ABCA4: variants seen among roughly 807,000 people sequenced by gnomAD.
ABCA4 encodes the protein ATP binding cassette subfamily A member 4, also known as retinal-specific phospholipid-transporting ATPase ABCA4.
A neutral mutation model predicts 263.7 loss-of-function variants in ABCA4; 196 were observed. That is an observed-to-expected ratio of 0.74 (90% CI 0.66 to 0.84). The LOEUF is 0.84. Among genes scored for constraint, ABCA4 ranks in the 40% least tolerant of loss-of-function variants. The pLI is 0.00. For synonymous variants in ABCA4, 1,133 were observed against 1,094.2 expected, an observed-to-expected ratio of 1.04 and a Z score of -0.70; for missense variants, 2,792 against 2,855.1, an observed-to-expected ratio of 0.98 and a Z score of 0.50.
intron 24 of ABCA4, among the ~76,000 whole-genome samples, chr1:94,038,074 C>G (rs537655529): frequency 7.2e-5 from 11 of 152,030 alleles, no homozygotes; most frequent in Non-Finnish European, 1.5e-4. Context: ...TGCACAGTTT[C>G]TCTTGGGATT....
At chr1:93,994,284 A>G (rs1472137285) in intron 49 of ABCA4, among the ~76,000 whole-genome samples, 3 of 152,236 alleles carry the variant, frequency 2.0e-5, no homozygotes, top group Admixed American at 1.3e-4. Flanking sequence ...ATAACAGAGT[A>G]TAAGATTGCA....
intron 3 of ABCA4, among the ~76,000 whole-genome samples, chr1:94,110,979 C>A (rs1355391214): frequency 6.6e-6 from 1 of 152,200 alleles, no homozygotes; most frequent in Non-Finnish European, 1.5e-5. Flanking sequence ...ACTTTGTAAA[C>A]CTGACTTCAT....
chr1:94,041,539 T>C lies in ABCA4; in HGVS notation c.3329-137A>G, dbSNP rs982472936. On this transcript the variant is annotated intron_variant, in intron 22 of 49. Transcript: ENST00000370225. ...AAAAAAAAAAACCCAAGGGAACTAA[T>C]TCAGCAGCAAATTCCAGCATATTAG... 46 of 868,916 alleles carry C rather than the reference T, an allele frequency of 5.3e-5. No homozygotes were observed. The East Asian group carries it at 1.1e-3, about 21-fold the overall frequency. 53.8% of individuals were successfully genotyped at this position (868,916 alleles called of 1,614,324 possible).
chr1:94,028,930 A>AAAAACAAAAC (rs35998587), intron 30 of ABCA4, among the ~76,000 whole-genome samples: 5 of 108,038 alleles, frequency 4.6e-5, no homozygotes, highest in African/African-American at 3.8e-5. Context: ...AAAAAAAAAA[A>AAAAACAAAAC]GAAATTCAAA....
chr1:94,087,205 C>A (rs1158079533), intron 6 of ABCA4, among the ~76,000 whole-genome samples: 1 of 152,170 alleles, frequency 6.6e-6, no homozygotes, highest in Non-Finnish European at 1.5e-5. Flanking sequence ...ACATTCAGAT[C>A]ATAGCATGCA....
rs1316870945 is a variant in ABCA4, at chr1:94,007,623, A to G, written c.6005+11T>C. The stretch of plus-strand genomic sequence containing the variant: ...AGAGACTCCCTGAGACAGGAGGAGC[A>G]GGATACTCACCTCTTGCCTGCTACG... On this transcript the variant is annotated intron_variant, in intron 43 of 49. Transcript: ENST00000370225. 1.2e-6 allele frequency: 2 copies of G among 1,604,436 alleles called. No homozygotes were observed. Among genetic ancestry groups the G allele is most frequent in the Admixed American group, 3.3e-5 (2 of 60,002 alleles).
At chr1:94,090,602 G>C (rs1661944401) in intron 6 of ABCA4, among the ~76,000 whole-genome samples, 1 of 152,096 alleles carries the variant, frequency 6.6e-6, no homozygotes, top group Non-Finnish European at 1.5e-5. Flanking sequence ...CTAGGGATTA[G>C]GTGCCCCTCC....
At chr1:94,019,836 C>A in intron 35 of ABCA4, 77 bp from the exon 36 acceptor site, 1 of 1,525,264 alleles carries the variant, frequency 6.6e-7, no homozygotes, top group Non-Finnish European at 8.9e-7. Flanking sequence ...CAAAGTCAGG[C>A]TTTGGGAAGG....
chr1:94,096,825 C>G (rs920103883), intron 6 of ABCA4, among the ~76,000 whole-genome samples: 1 of 152,226 alleles, frequency 6.6e-6, no homozygotes, highest in African/African-American at 2.4e-5. Context: ...AATGATGCTG[C>G]TCCCTTCATG....
chr1:94,012,804 G>A (rs556146950), intron 38 of ABCA4, among the ~76,000 whole-genome samples: 2 of 151,202 alleles, frequency 1.3e-5, no homozygotes, highest in Non-Finnish European at 2.9e-5. Flanking sequence ...GTCCTTTTCC[G>A]ACTGGAACGG....
At chr1:94,120,881 C>CT in intron 1 of ABCA4, 99 bp downstream of exon 1, 1 of 636,572 alleles carries the variant, frequency 1.6e-6, no homozygotes, top group Non-Finnish European at 2.8e-6. Flanking sequence ...CACAACCCCC[C>CT]ACCCTGCCCC....
chr1:94,047,093 T>C lies in ABCA4; in HGVS notation c.2744A>G (p.Asp915Gly). The change falls in exon 19 of 50, where the codon GAC becomes GGC. Residue 915 changes from aspartate to glycine, a missense_variant and splice_region_variant. Coordinates refer to ENST00000370225, the MANE Select transcript of ABCA4 (RefSeq NM_000350.3). ...TGGATGCTCACGTTCAAAGAAGGAG[T>C]CTTGGAGGAAAAAAAATGAACATGA... The part of the protein sequence containing the change: ...EDPEHPEGIH[D>G]SFFEREHPGW... 6.2e-7 allele frequency: 1 copy of C among 1,613,486 alleles called. No individual in the cohort carries two copies. The highest frequency in any genetic ancestry group is 1.1e-5 in the South Asian group (1 of 91,038).
chr1:94,008,631 A>G (rs1659462287), intron 41 of ABCA4, 120 bp downstream of exon 41: 1 of 1,401,866 alleles, frequency 7.1e-7, no homozygotes, highest in African/African-American at 1.4e-5. Flanking sequence ...ATGACCCTAC[A>G]TAAAACTGGG....
chr1:94,001,888 T>C lies in ABCA4; in HGVS notation c.6252A>G (p.Ala2084=). 7 of 1,614,110 alleles carry C rather than the reference T, an allele frequency of 4.3e-6. No individual in the cohort carries two copies. Among genetic ancestry groups the C allele is most frequent in the South Asian group, 1.1e-5 (1 of 91,078 alleles). ...GCACCAGCGGTGGGCAGCCAATGAG[T>C]GCGATGGCTGTGGAGAGTTTCCGCT... is the stretch of plus-strand genomic sequence containing the variant. The part of the protein sequence containing the change: ...GNKRKLSTAI[A]LIGCPPLVLL... The change falls in exon 45 of 50, where the codon GCA becomes GCG. Residue 2084 remains alanine, a synonymous_variant. Transcript: ENST00000370225.
chr1:94,089,492 G>A (rs999924876), intron 6 of ABCA4, among the ~76,000 whole-genome samples: 22 of 145,432 alleles, frequency 1.5e-4, no homozygotes, highest in African/African-American at 4.3e-4. Context: ...TTTTGAGATG[G>A]AGTGTCACAC....
In ABCA4 at chr1:94,008,152, A is replaced by G. The variant is rs1274968690; in HGVS notation, c.5898+83T>C. On this transcript the variant is annotated intron_variant, in intron 42 of 49. Coordinates refer to ENST00000370225, the MANE Select transcript of ABCA4 (RefSeq NM_000350.3). Reference sequence around the variant, plus strand: ...CATTATGGCATTATGTTCCTATTGAATAGCTCTGCCTTATGGGGAGGAGAG... The same window carrying G: ...CATTATGGCATTATGTTCCTATTGAGTAGCTCTGCCTTATGGGGAGGAGAG... The G allele has an allele frequency of 3.1e-6, 4 of 1,275,540 alleles. No individual in the cohort carries two copies. The African/African-American group carries it at 4.4e-5, about 14-fold the overall frequency. The allele number at this position is 1,275,540 out of a possible 1,614,324, so 79.0% of individuals were successfully genotyped here. A position where few individuals can be genotyped will look rare whatever the true frequency, so the allele number is the denominator to read the frequency against.
chr1:94,017,291 T>C (rs919333815), intron 36 of ABCA4, among the ~76,000 whole-genome samples: 1 of 152,126 alleles, frequency 6.6e-6, no homozygotes, highest in Non-Finnish European at 1.5e-5. Context: ...ACAGAGCAAA[T>C]TGAAATCAGA....
At chr1:94,063,803 A>G (rs1570394507) in intron 11 of ABCA4, among the ~76,000 whole-genome samples, 1 of 152,206 alleles carries the variant, frequency 6.6e-6, no homozygotes, top group Admixed American at 6.5e-5. Flanking sequence ...GGGAAGAGCA[A>G]GGAGGAAGAG....
At chr1:94,108,515 A>G (rs1662502692) in intron 4 of ABCA4, 62 bp downstream of exon 4, 1 of 1,607,436 alleles carries the variant, frequency 6.2e-7, no homozygotes, top group African/African-American at 1.3e-5. Flanking sequence ...GTTCTTTCCT[A>G]TATCTTCAGT....
Sources: gnomAD v4.1 joint callset for allele counts (sites outside exome capture counted in the v4.1 genomes callset) on GRCh38, gnomAD v4.1.1 for gene constraint, MANE v1.5 for transcripts, NCBI Gene and HGNC (gene_info 2026-07-23, HGNC 2026-07-21) for gene names.